Variants in TANC1 observed in about 807,000 individuals in gnomAD.
TANC1 encodes tetratricopeptide repeat, ankyrin repeat and coiled-coil containing 1.
In TANC1, 77 loss-of-function variants were observed where a neutral mutation model predicts 149.7. That is an observed-to-expected ratio of 0.51 (90% CI 0.43 to 0.62). The LOEUF is 0.62. Among genes scored for constraint, TANC1 ranks in the 20% least tolerant of loss-of-function variants. The pLI is 0.00. For synonymous variants in TANC1, 854 were observed against 925.0 expected, an observed-to-expected ratio of 0.92 and a Z score of 1.39; for missense variants, 1,985 against 2,321.8, an observed-to-expected ratio of 0.85 and a Z score of 2.98.
intron 19 of TANC1, among the ~76,000 whole-genome samples, chr2:159,201,222 G>C (rs533716105): frequency 1.3e-5 from 2 of 152,254 alleles, no homozygotes; most frequent in South Asian, 4.1e-4. Context: ...TTTGTCAGAG[G>C]AATACCCTGA....
intron 4 of TANC1, among the ~76,000 whole-genome samples, chr2:159,117,191 CCT>C (rs1250326980): frequency 6.6e-6 from 1 of 152,068 alleles, no homozygotes; most frequent in Non-Finnish European, 1.5e-5. Flanking sequence ...TGTGACGAGA[CCT>C]CTTAGTTACC....
At chr2:159,049,338 A>ATTTATCAGAGACCTAAAT (rs1553528171) in intron 2 of TANC1, among the ~76,000 whole-genome samples, 2 of 151,930 alleles carry the variant, frequency 1.3e-5, no homozygotes, top group Non-Finnish European at 2.9e-5. Flanking sequence ...ATCCAAACTT[A>ATTTATCAGAGACCTAAAT]GTTCAGATTT....
In TANC1 at chr2:159,170,527, G is replaced by A. The variant is rs769851661; in HGVS notation, c.1073G>A (p.Arg358Gln). 7.6e-6 allele frequency: 12 copies of A among 1,581,990 alleles called. No homozygotes were observed. The highest frequency in any genetic ancestry group is 2.3e-5 in the East Asian group (1 of 44,278). The change falls in exon 10 of 27, where the codon CGA (arginine) becomes CAA (glutamine). Residue 358 changes from arginine (R) to glutamine (Q), a missense_variant. This residue lies in a region of TANC1 where 557 missense variants were observed against 612.9 expected (regional missense o/e 0.91). Transcript: ENST00000263635. ...ATTTTTTTTTCTTCTTTTGAAGCACGATTTGCTCCCTACAAGCCACAAGAC... is the reference window on the plus strand; with the variant it reads ...ATTTTTTTTTCTTCTTTTGAAGCACAATTTGCTCCCTACAAGCCACAAGAC... ...AGGRAQEVKA[R>Q]FAPYKPQDIL...
At chr2:159,058,229 A>T (rs1361925268) in intron 2 of TANC1, among the ~76,000 whole-genome samples, 1 of 152,196 alleles carries the variant, frequency 6.6e-6, no homozygotes, top group African/African-American at 2.4e-5. Context: ...TATTTGAAAT[A>T]CCCAAATAAA....
intron 15 of TANC1, 101 bp downstream of exon 15, chr2:159,186,000 C>A: frequency 1.2e-6 from 1 of 844,330 alleles, no homozygotes; most frequent in Non-Finnish European, 1.9e-6. Flanking sequence ...AGAAACGCTC[C>A]ATGCACCTCA....
intron 15 of TANC1, among the ~76,000 whole-genome samples, chr2:159,186,282 TCTGA>T (rs1375574354): frequency 1.3e-5 from 2 of 152,216 alleles, no homozygotes; most frequent in African/African-American, 4.8e-5. Flanking sequence ...ACCTGGACTT[TCTGA>T]CTGTGTTTGC....
chr2:159,041,991 G>A (rs543506534), intron 2 of TANC1, among the ~76,000 whole-genome samples: 26 of 152,274 alleles, frequency 1.7e-4, no homozygotes, highest in African/African-American at 6.3e-4. Flanking sequence ...TGACCACCTG[G>A]TTCATGTAGG....
intron 2 of TANC1, among the ~76,000 whole-genome samples, chr2:159,044,712 G>A (rs2040909577): frequency 6.6e-6 from 1 of 152,132 alleles, no homozygotes; most frequent in Admixed American, 6.5e-5. Context: ...GGCTGACTGG[G>A]GGCATTGGAG....
chr2:159,112,486 C>T (rs905268343), intron 4 of TANC1, among the ~76,000 whole-genome samples: 1 of 151,758 alleles, frequency 6.6e-6, no homozygotes, highest in Non-Finnish European at 1.5e-5. Flanking sequence ...AAACTCCTGA[C>T]CTCAGGTGAT....
intron 18 of TANC1, among the ~76,000 whole-genome samples, chr2:159,197,525 A>G (rs10169740): frequency 0.033 from 5,088 of 152,170 alleles, 114 homozygotes; most frequent in African/African-American, 0.064. Context: ...TGGCTGGCTG[A>G]CTTTGGCATT....
intron 19 of TANC1, among the ~76,000 whole-genome samples, chr2:159,212,212 C>T (rs541382112): frequency 6.6e-5 from 10 of 152,318 alleles, no homozygotes; most frequent in Non-Finnish European, 1.0e-4. Flanking sequence ...TGTGTTTATT[C>T]CTTTGCATGG....
intron 2 of TANC1, among the ~76,000 whole-genome samples, chr2:159,046,615 T>A (rs2041073388): frequency 8.9e-6 from 1 of 111,856 alleles, no homozygotes; most frequent in African/African-American, 3.0e-5. Context: ...TTTTTTTTTT[T>A]TTGAGGCAGG....
chr2:159,166,919 G>A (rs928207632), intron 8 of TANC1, among the ~76,000 whole-genome samples: 1 of 152,212 alleles, frequency 6.6e-6, no homozygotes, highest in Non-Finnish European at 1.5e-5. Context: ...AAGTGCTGAG[G>A]CTGCTCTGTT....
chr2:159,083,662 TGCC>T (rs1438224432), intron 3 of TANC1, among the ~76,000 whole-genome samples: 1 of 152,236 alleles, frequency 6.6e-6, no homozygotes, highest in African/African-American at 2.4e-5. Flanking sequence ...TTAATTTACA[TGCC>T]AATTTATAGA....
chr2:159,186,766 T>C (rs1258332297), intron 15 of TANC1, 136 bp from the exon 16 acceptor site: 7 of 1,058,502 alleles, frequency 6.6e-6, no homozygotes, highest in African/African-American at 1.6e-5. Context: ...ATTCTTTGTG[T>C]GTGACCCCGT....
At chr2:159,127,753 A>G (rs544973980) in intron 4 of TANC1, among the ~76,000 whole-genome samples, 1 of 152,242 alleles carries the variant, frequency 6.6e-6, no homozygotes, top group African/African-American at 2.4e-5. Context: ...TAGCTAATGT[A>G]TGTGGGGCTT....
chr2:159,165,439 A>C (rs758600686), intron 8 of TANC1, among the ~76,000 whole-genome samples: 2 of 152,200 alleles, frequency 1.3e-5, no homozygotes, highest in Non-Finnish European at 2.9e-5. Flanking sequence ...AACTAAATGC[A>C]TATTTTGAAA....
At chr2:159,204,391 G>C (rs532736381) in intron 19 of TANC1, among the ~76,000 whole-genome samples, 1 of 152,186 alleles carries the variant, frequency 6.6e-6, no homozygotes, top group Non-Finnish European at 1.5e-5. Context: ...CCAAGTCCTC[G>C]GTGGGGCACC....
intron 19 of TANC1, among the ~76,000 whole-genome samples, chr2:159,213,290 A>G (rs562993111): frequency 1.3e-5 from 2 of 152,216 alleles, no homozygotes; most frequent in South Asian, 2.1e-4. Context: ...TAACGTTATC[A>G]TCGTGGCAGG....
Sources: gnomAD v4.1 joint callset for allele counts (sites outside exome capture counted in the v4.1 genomes callset) on GRCh38, gnomAD v4.1.1 for gene constraint, gnomAD v4.1.1 regional missense constraint, MANE v1.5 for transcripts, NCBI Gene and HGNC (gene_info 2026-07-23, HGNC 2026-07-21) for gene names.